RNLS: variants seen among roughly 807,000 people sequenced by gnomAD.
RNLS encodes renalase.
In RNLS, 39 loss-of-function variants were observed where a neutral mutation model predicts 39.8. The ratio of observed to expected loss-of-function variants is 0.98; its 90% CI spans 0.76 to 1.28. The LOEUF (loss-of-function observed/expected upper bound fraction) is 1.28, where lower values mean the gene tolerates loss of function less well. Ranked by LOEUF, RNLS falls within the 50% of genes most tolerant of loss-of-function variation. The probability of loss-of-function intolerance (pLI) is 0.00; values close to 1 mark genes in which losing one functional copy is unlikely to be tolerated. For missense variants in RNLS, 410 were observed against 413.3 expected, an observed-to-expected ratio of 0.99 and a Z score of 0.07; for synonymous variants, 147 against 150.7, an observed-to-expected ratio of 0.98 and a Z score of 0.18.
chr10:88,324,936 G>A (rs116046060), intron 5 of RNLS, among the ~76,000 whole-genome samples: 1,851 of 152,276 alleles, frequency 0.012, 51 homozygotes, highest in African/African-American at 0.043. Context: ...CACTTAGCAT[G>A]ATGTCCTCAA....
At chr10:88,210,075 G>A in the RNLS span, among the ~76,000 whole-genome samples, 8 of 152,166 alleles carry the variant, frequency 5.3e-5, no homozygotes, top group South Asian at 2.1e-4. Context: ...CTGAGGCGAC[G>A]GATTTGCAGA....
intron 4 of RNLS, among the ~76,000 whole-genome samples, chr10:88,400,780 T>C (rs2133637454): frequency 6.9e-6 from 1 of 145,466 alleles, no homozygotes; most frequent in South Asian, 2.2e-4. Flanking sequence ...ATTCTACTTA[T>C]TTAGGACTTT....
intron 4 of RNLS, among the ~76,000 whole-genome samples, chr10:88,431,941 G>A (rs531763441): frequency 2.0e-5 from 3 of 151,762 alleles, no homozygotes; most frequent in South Asian, 2.1e-4. Context: ...GTATTCTGTC[G>A]TTGTTGAGTG....
At chr10:88,384,503 C>T (rs917551195) in intron 4 of RNLS, among the ~76,000 whole-genome samples, 2 of 152,198 alleles carry the variant, frequency 1.3e-5, no homozygotes, top group Non-Finnish European at 2.9e-5. Context: ...GCTTAATTCC[C>T]TTACCAGTGT....
chr10:88,265,623 G>A, the RNLS span, among the ~76,000 whole-genome samples: 3 of 152,044 alleles, frequency 2.0e-5, no homozygotes, highest in East Asian at 1.9e-4. Context: ...ATCGTGAAAG[G>A]GGTTGAGTGT....
At chr10:88,396,300 G>T (rs1312314594) in intron 4 of RNLS, among the ~76,000 whole-genome samples, 1 of 151,996 alleles carries the variant, frequency 6.6e-6, no homozygotes, top group African/African-American at 2.4e-5. Context: ...GTACAAAGAT[G>T]TAATTTGTAT....
chr10:88,391,551 C>A (rs1279412009), intron 4 of RNLS, among the ~76,000 whole-genome samples: 1 of 151,786 alleles, frequency 6.6e-6, no homozygotes, highest in East Asian at 1.9e-4. Flanking sequence ...AGCGAGACTC[C>A]GTCTAAAAAA....
chr10:88,206,609 C>T, the RNLS span, among the ~76,000 whole-genome samples: 1 of 152,128 alleles, frequency 6.6e-6, no homozygotes, highest in Admixed American at 6.6e-5. Flanking sequence ...TGCCTTTTCT[C>T]CAAACCCCCT....
At chr10:88,286,317 A>C (rs1843265840) in intron 6 of RNLS, among the ~76,000 whole-genome samples, 1 of 151,986 alleles carries the variant, frequency 6.6e-6, no homozygotes, top group African/African-American at 2.4e-5. Context: ...ACTGACCCCA[A>C]AGCAGTCTTT....
At chr10:88,482,603 A>G (rs1564836522) in intron 4 of RNLS, among the ~76,000 whole-genome samples, 1 of 152,130 alleles carries the variant, frequency 6.6e-6, no homozygotes, top group Admixed American at 6.6e-5. Flanking sequence ...TTCTTTGAAC[A>G]TGCTTATAAT....
chr10:88,188,152 G>A, the RNLS span, among the ~76,000 whole-genome samples: 1 of 152,148 alleles, frequency 6.6e-6, no homozygotes, highest in Non-Finnish European at 1.5e-5. Flanking sequence ...TGCCTCCTGG[G>A]TTGAAGCGAT....
chr10:88,341,058 C>CAAAAAAA (rs58277887), intron 5 of RNLS, among the ~76,000 whole-genome samples: 2 of 128,480 alleles, frequency 1.6e-5, no homozygotes, highest in African/African-American at 5.8e-5. Context: ...GATTCTGTCT[C>CAAAAAAA]AAAAAAAAAA....
At chr10:88,439,587 T>C (rs1297846489) in intron 4 of RNLS, among the ~76,000 whole-genome samples, 1 of 152,222 alleles carries the variant, frequency 6.6e-6, no homozygotes, top group Non-Finnish European at 1.5e-5. Flanking sequence ...CATGGTTGTG[T>C]ATAGCATTGG....
At chr10:88,339,113 T>C (rs1391439868) in intron 5 of RNLS, among the ~76,000 whole-genome samples, 1 of 152,080 alleles carries the variant, frequency 6.6e-6, no homozygotes, top group Admixed American at 6.5e-5. Context: ...ATGGTAGACA[T>C]GGTGGTGGCT....
chr10:88,296,134 A>AT (rs1427182425), intron 6 of RNLS, among the ~76,000 whole-genome samples: 1 of 152,100 alleles, frequency 6.6e-6, no homozygotes, highest in Non-Finnish European at 1.5e-5. Context: ...AGGGTAAAAA[A>AT]CCAGCTCCTT....
the RNLS span, among the ~76,000 whole-genome samples, chr10:88,246,479 C>T: frequency 4.6e-5 from 7 of 152,118 alleles, no homozygotes; most frequent in African/African-American, 9.6e-5. Flanking sequence ...TCTGGCTTTC[C>T]CACCAGGAAT....
At chr10:88,492,161 G>T (rs1328623922) in intron 4 of RNLS, among the ~76,000 whole-genome samples, 2 of 152,000 alleles carry the variant, frequency 1.3e-5, no homozygotes, top group African/African-American at 4.8e-5. Context: ...CTCCCAAACT[G>T]ATTTTCCCAG....
intron 4 of RNLS, among the ~76,000 whole-genome samples, chr10:88,429,880 G>A (rs527441976): frequency 1.3e-4 from 19 of 151,836 alleles, no homozygotes; most frequent in South Asian, 8.3e-4. Flanking sequence ...ATTCGGTTCC[G>A]CTGATCCTGT....
In RNLS at chr10:88,293,828, A is replaced by G. The variant is rs138075310; in HGVS notation, c.877-8322T>C. 2.3e-3 allele frequency among the ~76,000 whole-genome samples: 354 copies of G among 152,288 alleles called. 6 individuals carry two copies. The highest frequency in any genetic ancestry group is 0.017 in the Admixed American group (255 of 15,292). ...AGGGAGGAGCTAATGTGAGCTTTGA[A>G]AACCCATCAGTAATTTCCATTATCA... On this transcript the variant is annotated intron_variant, in intron 6 of 6. Coordinates refer to ENST00000331772, the MANE Select transcript of RNLS (RefSeq NM_001031709.3).
Sources: gnomAD v4.1 joint callset for allele counts (sites outside exome capture counted in the v4.1 genomes callset) on GRCh38, gnomAD v4.1.1 for gene constraint, MANE v1.5 for transcripts, NCBI Gene and HGNC (gene_info 2026-07-23, HGNC 2026-07-21) for gene names.